The following CNTNAP5 variants were observed in gnomAD, a reference collection of about 807,000 sequenced individuals.
The protein encoded by CNTNAP5 is contactin-associated protein-like 5.
A neutral mutation model predicts 150.2 loss-of-function variants in CNTNAP5; 72 were observed. The ratio of observed to expected loss-of-function variants is 0.48; its 90% CI spans 0.40 to 0.58. CNTNAP5 has a LOEUF of 0.58. CNTNAP5 is among the 20% of genes least tolerant of loss of function. CNTNAP5 has a pLI of 0.00. For missense variants in CNTNAP5, 1,636 were observed against 1,626.2 expected (o/e 1.01, Z -0.10); for synonymous variants, 672 against 619.8 (o/e 1.08, Z -1.25).
At chr2:124,034,408 T>A (rs1277773527) in intron 1 of CNTNAP5, among the ~76,000 whole-genome samples, 2 of 152,214 alleles carry the variant, frequency 1.3e-5, no homozygotes, top group East Asian at 3.9e-4. Context: ...GGTAATCGGA[T>A]GGGTGAGTCA....
chr2:124,408,078 A>G (rs1691627458), intron 3 of CNTNAP5, among the ~76,000 whole-genome samples: 1 of 152,230 alleles, frequency 6.6e-6, no homozygotes, highest in South Asian at 2.1e-4. Context: ...TGGGAAGCGC[A>G]AGGGGTCAGG....
chr2:124,526,778 T>C (rs1573436853), intron 9 of CNTNAP5, among the ~76,000 whole-genome samples: 1 of 152,316 alleles, frequency 6.6e-6, no homozygotes, highest in East Asian at 1.9e-4. Context: ...GTTACGCTCC[T>C]GTGTGTACCT....
chr2:124,747,487 A>G, intron 14 of CNTNAP5, 102 bp downstream of exon 14: 2 of 1,357,304 alleles, frequency 1.5e-6, no homozygotes, highest in Admixed American at 3.5e-5. Flanking sequence ...TTCAATACAA[A>G]CTGGAGCTCC....
chr2:124,470,195 C>T (rs994093361), intron 6 of CNTNAP5, among the ~76,000 whole-genome samples: 3 of 152,056 alleles, frequency 2.0e-5, no homozygotes, highest in Non-Finnish European at 4.4e-5. Context: ...CCATCAATAG[C>T]GTAAAAGTGT....
At chr2:124,555,512 A>T (rs1165925741) in intron 10 of CNTNAP5, among the ~76,000 whole-genome samples, 1 of 152,250 alleles carries the variant, frequency 6.6e-6, no homozygotes, top group Non-Finnish European at 1.5e-5. Flanking sequence ...TGCTTAATAC[A>T]CATTGATGAA....
intron 3 of CNTNAP5, among the ~76,000 whole-genome samples, chr2:124,374,041 A>G (rs183574966): frequency 8.2e-4 from 125 of 152,160 alleles, no homozygotes; most frequent in African/African-American, 2.8e-3. Context: ...ATATTTATCT[A>G]TGGTGGTGAT....
intron 3 of CNTNAP5, among the ~76,000 whole-genome samples, chr2:124,400,463 T>G (rs1440348779): frequency 6.6e-6 from 1 of 152,084 alleles, no homozygotes; most frequent in Non-Finnish European, 1.5e-5. Context: ...TCTATTTTTC[T>G]CTTTGCCCCA....
At chr2:124,567,854 T>TAGATAGATAGATAGATAGATAGATAG (rs1696061798) in intron 11 of CNTNAP5, among the ~76,000 whole-genome samples, 8 of 117,010 alleles carry the variant, frequency 6.8e-5, no homozygotes, top group Non-Finnish European at 1.4e-4. Flanking sequence ...GATAGATAGA[T>TAGATAGATAGATAGATAGATAGATAG]AGATAGATAG....
At chr2:124,756,828 A>G (rs542135767) in intron 14 of CNTNAP5, among the ~76,000 whole-genome samples, 1 of 152,248 alleles carries the variant, frequency 6.6e-6, no homozygotes, top group African/African-American at 2.4e-5. Flanking sequence ...CTGGGCTTAA[A>G]AACTAAGTGA....
At chr2:124,142,557 T>A (rs796944557) in intron 1 of CNTNAP5, among the ~76,000 whole-genome samples, 16,883 of 132,734 alleles carry the variant, frequency 0.13, 1,114 homozygotes, top group Middle Eastern at 0.23. Flanking sequence ...CATAACGAAA[T>A]GAAGGCAGAA....
chr2:124,351,917 G>T (rs1689882934), intron 3 of CNTNAP5, among the ~76,000 whole-genome samples: 1 of 151,948 alleles, frequency 6.6e-6, no homozygotes, highest in South Asian at 2.1e-4. Flanking sequence ...GGAGTAAAAA[G>T]GTAAACAATT....
intron 1 of CNTNAP5, among the ~76,000 whole-genome samples, chr2:124,203,391 G>A (rs1309720299): frequency 6.6e-6 from 1 of 152,090 alleles, no homozygotes; most frequent in African/African-American, 2.4e-5. Context: ...CTGGGCTCAT[G>A]GTGCAAGCTG....
chr2:124,351,423 C>A (rs1689872789), intron 3 of CNTNAP5, among the ~76,000 whole-genome samples: 1 of 152,184 alleles, frequency 6.6e-6, no homozygotes, highest in African/African-American at 2.4e-5. Flanking sequence ...GGAAGACCAG[C>A]CAGCCTGGCA....
chr2:124,648,411 G>A (rs1209126759), intron 13 of CNTNAP5, among the ~76,000 whole-genome samples: 6 of 152,070 alleles, frequency 3.9e-5, no homozygotes, highest in Admixed American at 2.0e-4. Flanking sequence ...ATGCCTAAGG[G>A]GGCAGTGTTA....
chr2:124,834,846 A>G (rs574602049), intron 19 of CNTNAP5, among the ~76,000 whole-genome samples: 1 of 151,856 alleles, frequency 6.6e-6, no homozygotes, highest in Admixed American at 6.6e-5. Context: ...TACATGCAAA[A>G]AGAAGAAATA....
intron 7 of CNTNAP5, among the ~76,000 whole-genome samples, chr2:124,491,221 C>T (rs1224134999): frequency 5.9e-5 from 9 of 152,078 alleles, no homozygotes; most frequent in Admixed American, 2.6e-4. Context: ...CTCCATTTCT[C>T]TTACCCTCTA....
At chr2:124,477,500 A>C (rs1189999993) in intron 7 of CNTNAP5, among the ~76,000 whole-genome samples, 1 of 152,092 alleles carries the variant, frequency 6.6e-6, no homozygotes, top group East Asian at 1.9e-4. Context: ...GGATGATGCT[A>C]GGGAGGGATT....
intron 1 of CNTNAP5, among the ~76,000 whole-genome samples, chr2:124,069,474 T>A (rs189803465): frequency 6.6e-6 from 1 of 152,052 alleles, no homozygotes; most frequent in Admixed American, 6.5e-5. Flanking sequence ...TGATTGTAGA[T>A]CCCTAGGGAC....
At chr2:124,055,885 T>C (rs1013212166) in intron 1 of CNTNAP5, among the ~76,000 whole-genome samples, 1 of 152,130 alleles carries the variant, frequency 6.6e-6, no homozygotes, top group Admixed American at 6.5e-5. Flanking sequence ...AACATACTTA[T>C]TTCTATCCTC....
Sources: allele counts gnomAD v4.1 joint callset (sites outside exome capture counted in the v4.1 genomes callset), GRCh38; gene constraint gnomAD v4.1.1; transcripts MANE v1.5; gene names NCBI Gene and HGNC (gene_info 2026-07-23, HGNC 2026-07-21).